Variants in AFF2 observed in about 807,000 individuals in gnomAD.
The protein encoded by AFF2 is ALF transcription elongation factor 2.
A neutral mutation model predicts 76.9 loss-of-function variants in AFF2; 14 were observed. The ratio of observed to expected loss-of-function variants is 0.18; its 90% CI spans 0.12 to 0.28. The LOEUF is 0.28. Ranked by LOEUF, AFF2 falls within the 10% of genes least tolerant of loss-of-function variation. AFF2 has a pLI of 1.00. For synonymous variants in AFF2, 398 were observed against 366.7 expected (o/e 1.09, Z -0.98); for missense variants, 868 against 1,001.1 (o/e 0.87, Z 1.79).
chrX:148,930,304 T>C (rs1266152887), intron 9 of AFF2, among the ~76,000 whole-genome samples: 3 of 111,608 alleles, frequency 2.7e-5, no homozygotes, highest in Non-Finnish European at 5.6e-5. Flanking sequence ...ATCTGGAAAA[T>C]CTTTCACACT....
chrX:148,967,806 T>C, intron 15 of AFF2, 114 bp downstream of exon 15: 2 of 592,817 alleles, frequency 3.4e-6, no homozygotes, highest in East Asian at 3.5e-5. Flanking sequence ...CACCTGCCTG[T>C]CAACACATTG....
At chrX:148,697,870 A>T (rs782109127) in intron 3 of AFF2, among the ~76,000 whole-genome samples, 1 of 112,242 alleles carries the variant, frequency 8.9e-6, no homozygotes, top group East Asian at 2.8e-4. Flanking sequence ...TATAAATGAT[A>T]TGACTATAGC....
chrX:148,520,821 C>T (rs1214660547), intron 1 of AFF2, among the ~76,000 whole-genome samples: 5 of 112,322 alleles, frequency 4.5e-5, no homozygotes, highest in African/African-American at 1.3e-4. Context: ...ATCTGATATA[C>T]AGTAATCAGA....
intron 3 of AFF2, among the ~76,000 whole-genome samples, chrX:148,728,197 C>G (rs2055183170): frequency 8.9e-6 from 1 of 112,551 alleles, no homozygotes; most frequent in African/African-American, 3.2e-5. Context: ...TGTTTCACAG[C>G]AAATCTTTAG....
intron 3 of AFF2, among the ~76,000 whole-genome samples, chrX:148,722,076 G>T (rs2055099649): frequency 9.0e-6 from 1 of 111,593 alleles, no homozygotes; most frequent in African/African-American, 3.3e-5. Flanking sequence ...TCTTTTGAGG[G>T]TGGGAACGCA....
chrX:148,952,454 G>A (rs972001168), intron 9 of AFF2, among the ~76,000 whole-genome samples: 1 of 111,399 alleles, frequency 9.0e-6, no homozygotes, highest in African/African-American at 3.3e-5. Flanking sequence ...AACAGGCCCC[G>A]AGCACTCCCC....
chrX:148,837,590 A>T (rs1454583829), intron 4 of AFF2, 57 bp from the exon 5 acceptor site: 4 of 719,378 alleles, frequency 5.6e-6, no homozygotes, highest in African/African-American at 2.1e-5. Context: ...TAGTGCTAAG[A>T]AAGGGCTTGA....
In AFF2 at chrX:148,924,388, G is replaced by A. The variant is rs149408196; in HGVS notation, c.1397+20130G>A. Among the ~76,000 whole-genome samples the A allele has an allele frequency of 3.1e-3, 344 of 111,823 alleles. 2 individuals are homozygous for A. Among genetic ancestry groups the A allele is most frequent in the African/African-American group, 0.011 (327 of 30,776 alleles). ...TTTGTATACACTTTTAGCAAACATC[G>A]GTTTTCTTTCACTGGAGGCAAATCT... On this transcript the variant is annotated intron_variant, in intron 9 of 20. Coordinates refer to ENST00000370460, the MANE Select transcript of AFF2 (RefSeq NM_002025.4).
At chrX:148,857,308 T>A (rs1406728168) in intron 7 of AFF2, among the ~76,000 whole-genome samples, 1 of 111,624 alleles carries the variant, frequency 9.0e-6, no homozygotes, top group Middle Eastern at 4.2e-3. Flanking sequence ...TATTTGTGTG[T>A]TTTTTAAAGA....
intron 4 of AFF2, among the ~76,000 whole-genome samples, chrX:148,814,063 T>G (rs1270086382): frequency 8.9e-6 from 1 of 112,304 alleles, no homozygotes; most frequent in African/African-American, 3.2e-5. Context: ...CTGTTTACTC[T>G]TTAGAGTCAA....
intron 4 of AFF2, among the ~76,000 whole-genome samples, chrX:148,810,201 G>A (rs1557271705): frequency 8.9e-6 from 1 of 112,053 alleles, no homozygotes; most frequent in Non-Finnish European, 1.9e-5. Flanking sequence ...AACGTTCCCT[G>A]TTCAAGCACC....
At chrX:148,512,334 T>C (rs1187957393) in intron 1 of AFF2, among the ~76,000 whole-genome samples, 1 of 112,151 alleles carries the variant, frequency 8.9e-6, no homozygotes, top group Non-Finnish European at 1.9e-5. Flanking sequence ...TGATGAAGAC[T>C]GTTTTCATTG....
intron 9 of AFF2, among the ~76,000 whole-genome samples, chrX:148,917,185 C>G (rs909884794): frequency 1.8e-5 from 2 of 111,889 alleles, no homozygotes; most frequent in African/African-American, 3.3e-5. Context: ...ATTAATAGAG[C>G]TAGAATTTGA....
At chrX:148,641,155 C>T (rs376439126) in intron 1 of AFF2, among the ~76,000 whole-genome samples, 11 of 110,384 alleles carry the variant, frequency 1.0e-4, no homozygotes, top group African/African-American at 3.3e-4. Flanking sequence ...AAACATGGTA[C>T]CTGGCATGAC....
intron 9 of AFF2, among the ~76,000 whole-genome samples, chrX:148,918,159 G>A (rs1170605475): frequency 8.9e-6 from 1 of 112,119 alleles, no homozygotes; most frequent in Non-Finnish European, 1.9e-5. Context: ...CAATCTTTCT[G>A]TTCATTCAGG....
chrX:148,843,125 A>T, intron 6 of AFF2, 123 bp downstream of exon 6: 1 of 578,893 alleles, frequency 1.7e-6, no homozygotes, highest in Non-Finnish European at 2.7e-6. Flanking sequence ...AAGTTATTTT[A>T]ATTGTTAATT....
At position 148,991,451 on chromosome X, in the gene AFF2, T is replaced by C; in HGVS notation, c.*119T>C. On this transcript the variant is annotated 3_prime_UTR_variant, in exon 21 of 21. Transcript: ENST00000370460. ...TTCTCTTTGGTTATGTTTGTTTTTA[T>C]GCTTCTTTTGTTATCTGTAAAAAAC... The C allele has an allele frequency of 1.2e-6, 1 of 867,712 alleles. No individual in the cohort carries two copies. The highest frequency in any genetic ancestry group is 1.5e-6 in the Non-Finnish European group (1 of 652,337). 71.5% of individuals were successfully genotyped at this position (867,712 alleles called of 1,213,427 possible).
intron 16 of AFF2, 72 bp downstream of exon 16, chrX:148,973,679 G>A (rs1255934704): frequency 3.8e-6 from 4 of 1,042,075 alleles, no homozygotes; most frequent in African/African-American, 3.7e-5. Context: ...TTTAAAAAAT[G>A]TATCATTTCC....
chrX:148,922,800 C>T (rs1603340808), intron 9 of AFF2, among the ~76,000 whole-genome samples: 1 of 111,775 alleles, frequency 8.9e-6, no homozygotes, highest in African/African-American at 3.3e-5. Flanking sequence ...CTGTTTTTCA[C>T]TTACCATCCC....
Sources: gnomAD v4.1 joint callset for allele counts (sites outside exome capture counted in the v4.1 genomes callset) on GRCh38, gnomAD v4.1.1 for gene constraint, MANE v1.5 for transcripts, NCBI Gene and HGNC (gene_info 2026-07-23, HGNC 2026-07-21) for gene names.